The following MTHFD2L variants were observed in gnomAD, a reference collection of about 807,000 sequenced individuals.
MTHFD2L encodes the protein bifunctional methylenetetrahydrofolate dehydrogenase/cyclohydrolase 2, mitochondrial.
A neutral mutation model predicts 34.9 loss-of-function variants in MTHFD2L; 29 were observed. The ratio of observed to expected loss-of-function variants is 0.83; its 90% confidence interval spans 0.62 to 1.13. The LOEUF is 1.13. Ranked by LOEUF, MTHFD2L falls within the 50% of genes most tolerant of loss-of-function variation. MTHFD2L has a pLI of 0.00. For synonymous variants in MTHFD2L, 167 were observed against 155.7 expected, an observed-to-expected ratio of 1.07 and a Z score of -0.54; for missense variants, 481 against 446.5, an observed-to-expected ratio of 1.08 and a Z score of -0.70.
chr4:74,252,100 A>G (rs1013096513), intron 6 of MTHFD2L, among the ~76,000 whole-genome samples: 1 of 152,374 alleles, frequency 6.6e-6, no homozygotes, highest in Admixed American at 6.5e-5. Context: ...GTGCTGGGAA[A>G]GATGCCACCT....
intron 7 of MTHFD2L, among the ~76,000 whole-genome samples, chr4:74,287,512 C>A (rs1021848080): frequency 6.6e-6 from 1 of 152,026 alleles, no homozygotes; most frequent in Non-Finnish European, 1.5e-5. Context: ...GTTGGGAGAC[C>A]GAGGAGTGTG....
At chr4:74,201,143 G>A in intron 4 of MTHFD2L, 120 bp from the exon 5 acceptor site, 1 of 641,462 alleles carries the variant, frequency 1.6e-6, no homozygotes. Context: ...TTATAGATAA[G>A]CCACATAATA....
At chr4:74,157,172 A>T (rs1168980451), upstream of MTHFD2L, 1 of 155,786 alleles carries the variant, frequency 6.4e-6, no homozygotes, top group Non-Finnish European at 1.4e-5. Context: ...GATTTAGATC[A>T]GCCAGGAAAG....
intron 5 of MTHFD2L, among the ~76,000 whole-genome samples, chr4:74,207,114 G>C (rs558975243): frequency 1.8e-4 from 27 of 151,994 alleles, no homozygotes. Flanking sequence ...TGCCCAGGCT[G>C]GTCTCGAACT....
At chr4:74,245,991 C>A (rs950265192) in intron 6 of MTHFD2L, among the ~76,000 whole-genome samples, 21 of 147,824 alleles carry the variant, frequency 1.4e-4, no homozygotes, top group African/African-American at 5.1e-4. Flanking sequence ...GGGTATATAC[C>A]CAGTAATGGG....
At chr4:74,126,904 C>T (rs994000226) in intron 1 of MTHFD2L, among the ~76,000 whole-genome samples, 2 of 152,054 alleles carry the variant, frequency 1.3e-5, no homozygotes, top group Non-Finnish European at 2.9e-5. Context: ...CCATAATCCC[C>T]ATGTGTCGAG....
intron 7 of MTHFD2L, among the ~76,000 whole-genome samples, chr4:74,291,105 C>T (rs1443588917): frequency 7.0e-6 from 1 of 142,194 alleles, no homozygotes; most frequent in South Asian, 2.3e-4. Context: ...GCAGCCTCCA[C>T]CTCCTGGGTT....
chr4:74,153,061 C>T (rs1291669558), intron 1 of MTHFD2L, among the ~76,000 whole-genome samples: 2 of 152,132 alleles, frequency 1.3e-5, no homozygotes, highest in Admixed American at 6.6e-5. Flanking sequence ...TATTCCTTGG[C>T]TGTGATTTTC....
At chr4:74,133,347 T>A (rs1394179956) in intron 1 of MTHFD2L, among the ~76,000 whole-genome samples, 1 of 152,212 alleles carries the variant, frequency 6.6e-6, no homozygotes, top group Non-Finnish European at 1.5e-5. Flanking sequence ...TAGATATTTC[T>A]GTCTTTCATG....
intron 6 of MTHFD2L, among the ~76,000 whole-genome samples, chr4:74,238,617 T>G (rs1741202523): frequency 6.6e-6 from 1 of 151,928 alleles, no homozygotes; most frequent in South Asian, 2.1e-4. Context: ...ATATCCAGAA[T>G]CTACAAGAAA....
chr4:74,298,964 T>G (rs1231032151), intron 7 of MTHFD2L, among the ~76,000 whole-genome samples: 2 of 152,012 alleles, frequency 1.3e-5, no homozygotes, highest in African/African-American at 4.8e-5. Context: ...CACAGTTTCC[T>G]CATCTATTAA....
intron 1 of MTHFD2L, among the ~76,000 whole-genome samples, chr4:74,137,913 C>A (rs571788805): frequency 6.6e-6 from 1 of 151,682 alleles, no homozygotes; most frequent in Non-Finnish European, 1.5e-5. Flanking sequence ...AAGTGGATAT[C>A]ATGAAGATAC....
At chr4:74,281,932 A>G (rs1433454768) in intron 7 of MTHFD2L, among the ~76,000 whole-genome samples, 2 of 152,106 alleles carry the variant, frequency 1.3e-5, no homozygotes, top group African/African-American at 2.4e-5. Context: ...ATGCTCAGCC[A>G]TTCACTCTTA....
intron 5 of MTHFD2L, among the ~76,000 whole-genome samples, chr4:74,210,211 AT>A (rs1435173569): frequency 6.6e-6 from 1 of 152,108 alleles, no homozygotes; most frequent in African/African-American, 2.4e-5. Flanking sequence ...CCATTTATCA[AT>A]TTTGGCTTTT....
intron 1 of MTHFD2L, among the ~76,000 whole-genome samples, chr4:74,170,607 TAAG>T (rs1428634472): frequency 1.3e-5 from 2 of 151,970 alleles, no homozygotes; most frequent in Non-Finnish European, 2.9e-5. Flanking sequence ...ACATTAAAAT[TAAG>T]AACTGTTCTA....
At chr4:74,138,882 C>G (rs955093383) in intron 1 of MTHFD2L, among the ~76,000 whole-genome samples, 1 of 152,096 alleles carries the variant, frequency 6.6e-6, no homozygotes, top group African/African-American at 2.4e-5. Context: ...TGCTCTCAGG[C>G]GATATAGATT....
chr4:74,147,424 T>A (rs970786748), intron 1 of MTHFD2L, among the ~76,000 whole-genome samples: 6 of 152,172 alleles, frequency 3.9e-5, no homozygotes, highest in Non-Finnish European at 7.4e-5. Context: ...GTGTGAAGAA[T>A]CTTCTACAGC....
At chr4:74,116,766 C>T (rs895614418) in intron 2 of MTHFD2L, among the ~76,000 whole-genome samples, 6 of 152,214 alleles carry the variant, frequency 3.9e-5, no homozygotes, top group Admixed American at 3.9e-4. Context: ...AACAGACCTA[C>T]ATGATTTTAT....
At chr4:74,177,849 T>C (rs1001483518) in intron 3 of MTHFD2L, among the ~76,000 whole-genome samples, 4 of 152,028 alleles carry the variant, frequency 2.6e-5, no homozygotes, top group Non-Finnish European at 5.9e-5. Context: ...TAATCAACTT[T>C]AGTGTCTATC....
Sources: gnomAD v4.1 joint callset for allele counts (sites outside exome capture counted in the v4.1 genomes callset) on GRCh38, gnomAD v4.1.1 for gene constraint, MANE v1.5 for transcripts, NCBI Gene and HGNC (gene_info 2026-07-23, HGNC 2026-07-21) for gene names.